MEGF11: variants seen among roughly 807,000 people sequenced by gnomAD.
The protein encoded by MEGF11 is multiple epidermal growth factor-like domains protein 11.
Under a neutral mutation model 146.6 loss-of-function variants are expected in MEGF11, and 126 were observed. The observed-to-expected ratio is 0.86, with a 90% CI of 0.74 to 1.00. The LOEUF is 1.00. MEGF11 is among the 50% of genes least tolerant of loss of function. MEGF11 has a pLI of 0.00. For synonymous variants in MEGF11, 532 were observed against 583.4 expected, an observed-to-expected ratio of 0.91 and a Z score of 1.27; for missense variants, 1,509 against 1,521.2, an observed-to-expected ratio of 0.99 and a Z score of 0.13.
chr15:66,040,357 A>C (rs986921251), intron 5 of MEGF11: 1 of 154,778 alleles, frequency 6.5e-6, no homozygotes, highest in African/African-American at 2.4e-5. Context: ...TGGTGGCTGC[A>C]GAAAGTGAGG....
intron 1 of MEGF11, among the ~76,000 whole-genome samples, chr15:66,242,761 C>G (rs1365732365): frequency 6.6e-6 from 1 of 152,182 alleles, no homozygotes; most frequent in Non-Finnish European, 1.5e-5. Context: ...TCCTCTCCCA[C>G]CTGGCTTCCT....
At chr15:66,183,211 A>T (rs1009458923) in intron 1 of MEGF11, among the ~76,000 whole-genome samples, 4 of 152,160 alleles carry the variant, frequency 2.6e-5, no homozygotes, top group African/African-American at 9.7e-5. Context: ...GAGAAGATAC[A>T]CACGGTGGCT....
At chr15:66,140,845 C>T (rs2089114142) in intron 1 of MEGF11, among the ~76,000 whole-genome samples, 1 of 152,184 alleles carries the variant, frequency 6.6e-6, no homozygotes, top group Non-Finnish European at 1.5e-5. Flanking sequence ...GAAGTCTGAG[C>T]TCAGCCGGGT....
At chr15:66,079,040 ACCT>A (rs2085719544) in intron 5 of MEGF11, among the ~76,000 whole-genome samples, 1 of 151,362 alleles carries the variant, frequency 6.6e-6, no homozygotes, top group Non-Finnish European at 1.5e-5. Flanking sequence ...CCTCACCCCC[ACCT>A]CCTGCTCAGA....
intron 5 of MEGF11, among the ~76,000 whole-genome samples, chr15:65,986,756 T>C (rs916287042): frequency 6.6e-5 from 10 of 152,130 alleles, no homozygotes; most frequent in Non-Finnish European, 1.2e-4. Context: ...GTCCCAGGCT[T>C]TCCTTCCTAA....
At position 66,010,908 on chromosome 15, in the gene MEGF11, T is replaced by A. The variant is rs114947176; in HGVS notation, c.395-28420A>T. 9.8e-3 allele frequency among the ~76,000 whole-genome samples: 771 copies of A among 78,514 alleles called. 12 individuals carry two copies. The highest frequency in any genetic ancestry group is 0.019 in the Non-Finnish European group (548 of 29,208). 51.5% of individuals were successfully genotyped at this position (78,514 alleles called of 152,430 possible). A position where few individuals can be genotyped will look rare whatever the true frequency, so the allele number is the denominator to read the frequency against. Reference sequence around the variant, plus strand: ...GGTCAGAAAGTCCACTCTTGACAAGTGGGAAGCCATTGGGTGTGGCAGTGG... The same window carrying A: ...GGTCAGAAAGTCCACTCTTGACAAGAGGGAAGCCATTGGGTGTGGCAGTGG... On this transcript the variant is annotated intron_variant, in intron 5 of 25. Coordinates refer to ENST00000395614, the MANE Select transcript of MEGF11 (RefSeq NM_001385028.1).
At chr15:65,922,552 C>A in intron 14 of MEGF11, 80 bp from the exon 15 acceptor site, 1 of 1,464,584 alleles carries the variant, frequency 6.8e-7, no homozygotes. Flanking sequence ...CCACACTTCT[C>A]AGAAACATGG....
At chr15:66,058,892 T>C (rs143904118) in intron 5 of MEGF11, among the ~76,000 whole-genome samples, 214 of 152,196 alleles carry the variant, frequency 1.4e-3, no homozygotes, top group African/African-American at 4.9e-3. Context: ...AAGAACCATT[T>C]CCCCAAGCCC....
intron 24 of MEGF11, among the ~76,000 whole-genome samples, chr15:65,901,060 C>A (rs1049417819): frequency 6.6e-6 from 1 of 152,188 alleles, no homozygotes; most frequent in African/African-American, 2.4e-5. Context: ...ACCCCATGTG[C>A]ACAGGTGACT....
intron 7 of MEGF11, among the ~76,000 whole-genome samples, chr15:65,972,376 A>C (rs538642633): frequency 1.3e-5 from 2 of 152,340 alleles, no homozygotes; most frequent in South Asian, 2.1e-4. Context: ...AAACTTTTAT[A>C]TCTCTGTGGA....
chr15:66,079,408 T>C (rs1322267963), intron 5 of MEGF11, among the ~76,000 whole-genome samples: 2 of 152,106 alleles, frequency 1.3e-5, no homozygotes, highest in Non-Finnish European at 2.9e-5. Context: ...ACTGGGGGCT[T>C]ATATGCAGAG....
chr15:65,991,968 CTG>C (rs1169998656), intron 5 of MEGF11, among the ~76,000 whole-genome samples: 3 of 152,360 alleles, frequency 2.0e-5, no homozygotes, highest in Non-Finnish European at 4.4e-5. Context: ...AAATGGGAAA[CTG>C]TCAGAACACG....
In MEGF11 at chr15:66,148,116, G is replaced by A. The variant is rs149939757; in HGVS notation, c.-8-19705C>T. On this transcript the variant is annotated intron_variant, in intron 1 of 25. Transcript: ENST00000395614. ...AATAATTGCCTATAAATGTGTACAC[G>A]CGTGCATGTGTGTGTCTGTATATGG... is the stretch of plus-strand genomic sequence containing the variant. 8.5e-5 allele frequency among the ~76,000 whole-genome samples: 13 copies of A among 152,250 alleles called. No individual in the cohort carries two copies. The East Asian group carries it at 2.1e-3, about 25-fold the overall frequency.
At chr15:66,215,077 C>A (rs1023093609) in intron 1 of MEGF11, among the ~76,000 whole-genome samples, 1 of 152,074 alleles carries the variant, frequency 6.6e-6, no homozygotes, top group Non-Finnish European at 1.5e-5. Context: ...GGAGCTCTAA[C>A]GCCTCCTCCC....
intron 7 of MEGF11, among the ~76,000 whole-genome samples, chr15:65,973,375 A>AG (rs1304502122): frequency 6.6e-6 from 1 of 152,226 alleles, no homozygotes; most frequent in Admixed American, 6.5e-5. Flanking sequence ...GTCTGACCTT[A>AG]TTGAGAGGAG....
At chr15:65,922,173 C>T (rs1294081787) in intron 15 of MEGF11, 165 bp downstream of exon 15, 5 of 752,452 alleles carry the variant, frequency 6.6e-6, no homozygotes, top group Non-Finnish European at 1.1e-5. Context: ...GCCTTTGTCT[C>T]ATGCCATGTG....
intron 1 of MEGF11, among the ~76,000 whole-genome samples, chr15:66,228,133 T>A (rs539225655): frequency 6.6e-6 from 1 of 152,250 alleles, no homozygotes; most frequent in South Asian, 2.1e-4. Context: ...TCTCTGGGGC[T>A]GGAAAGCTGC....
intron 5 of MEGF11, among the ~76,000 whole-genome samples, chr15:66,079,706 A>G (rs1182317492): frequency 6.6e-6 from 1 of 152,124 alleles, no homozygotes; most frequent in Non-Finnish European, 1.5e-5. Context: ...TGCGTTTGCC[A>G]TACAGGGTCA....
At chr15:66,096,263 A>G (rs2086548447) in intron 4 of MEGF11, among the ~76,000 whole-genome samples, 1 of 152,254 alleles carries the variant, frequency 6.6e-6, no homozygotes, top group South Asian at 2.1e-4. Context: ...TGCAGAGAGC[A>G]GGACCTTGAT....
Sources: gnomAD v4.1 joint callset for allele counts (sites outside exome capture counted in the v4.1 genomes callset) on GRCh38, gnomAD v4.1.1 for gene constraint, MANE v1.5 for transcripts, NCBI Gene and HGNC (gene_info 2026-07-23, HGNC 2026-07-21) for gene names.